COG5: variants seen among roughly 807,000 people sequenced by gnomAD.
COG5 encodes the protein component of oligomeric golgi complex 5.
A neutral mutation model predicts 110.4 loss-of-function variants in COG5; 86 were observed. The ratio of observed to expected loss-of-function variants is 0.78; its 90% CI spans 0.65 to 0.93. The LOEUF (loss-of-function observed/expected upper bound fraction) is 0.93. Ranked by LOEUF, COG5 falls within the 40% of genes least tolerant of loss-of-function variation. The pLI, the probability that COG5 is intolerant of heterozygous loss-of-function variation, is 0.00. For synonymous variants in COG5, 360 were observed against 334.6 expected, an observed-to-expected ratio of 1.08 and a Z score of -0.83; for missense variants, 1,077 against 987.0, an observed-to-expected ratio of 1.09 and a Z score of -1.22.
rs147860748 is a variant in COG5, at chr7:107,300,246, A to G, written c.1109-1900T>C. Among the ~76,000 whole-genome samples, 20 of 152,292 alleles carry G rather than the reference A, an allele frequency of 1.3e-4. No individual in the cohort carries two copies. The East Asian group carries it at 3.7e-3, about 28-fold the overall frequency. On this transcript the variant is annotated intron_variant, in intron 11 of 21. Coordinates refer to ENST00000297135, the MANE Select transcript of COG5 (RefSeq NM_006348.5). ...AATATAATACTTAAGAGAATAAGTA[A>G]TACTTTTGCTCAAAAATCAGCAACA...
chr7:107,536,152 T>C (rs956689800), intron 5 of COG5, among the ~76,000 whole-genome samples: 1 of 151,968 alleles, frequency 6.6e-6, no homozygotes, highest in Non-Finnish European at 1.5e-5. Flanking sequence ...GGAACATATC[T>C]CAAAATAATG....
intron 18 of COG5, among the ~76,000 whole-genome samples, chr7:107,233,382 T>C (rs1800920070): frequency 6.6e-6 from 1 of 152,172 alleles, no homozygotes; most frequent in African/African-American, 2.4e-5. Flanking sequence ...GGAAACCACC[T>C]CGTGCCCATG....
chr7:107,443,086 A>C (rs1430197295), intron 6 of COG5, among the ~76,000 whole-genome samples: 1 of 152,204 alleles, frequency 6.6e-6, no homozygotes, highest in Admixed American at 6.5e-5. Flanking sequence ...AGAAAAAGAG[A>C]AAATATTTGC....
chr7:107,255,121 G>GT (rs1296967045), intron 16 of COG5, among the ~76,000 whole-genome samples: 2 of 152,086 alleles, frequency 1.3e-5, no homozygotes, highest in Non-Finnish European at 2.9e-5. Flanking sequence ...TCAAAAAAAT[G>GT]TTTGATAGTT....
At chr7:107,545,997 A>G (rs911369860) in intron 5 of COG5, among the ~76,000 whole-genome samples, 7 of 152,274 alleles carry the variant, frequency 4.6e-5, no homozygotes, top group African/African-American at 1.7e-4. Flanking sequence ...AACAAACTTA[A>G]GAAGACTGAG....
intron 14 of COG5, among the ~76,000 whole-genome samples, chr7:107,270,438 T>C (rs1804159651): frequency 6.6e-6 from 1 of 152,102 alleles, no homozygotes; most frequent in African/African-American, 2.4e-5. Context: ...ATTTTGGTAT[T>C]TTCAGTAGAG....
chr7:107,342,569 T>C (rs577952880), intron 10 of COG5, among the ~76,000 whole-genome samples: 5 of 151,982 alleles, frequency 3.3e-5, no homozygotes, highest in Admixed American at 3.3e-4. Flanking sequence ...TCTCAGCTAC[T>C]TGGGAAGCTG....
rs4730247 is a variant in COG5 at position 107,455,787 on chromosome 7, C to A, written c.539-43155G>T. 4.7e-3 allele frequency among the ~76,000 whole-genome samples: 718 copies of A among 152,070 alleles called. 15 individuals are homozygous for A. Among genetic ancestry groups the A allele is most frequent in the Admixed American group, 0.036 (546 of 15,284 alleles). ...ATTTATGAAAGAAAACTGTCCAGAG[C>A]AGATCTGTTGTTTGTTTGTTTTTGA... On this transcript the variant is annotated intron_variant, in intron 6 of 21. Transcript: ENST00000297135.
At chr7:107,348,648 C>T (rs1250928395) in intron 10 of COG5, among the ~76,000 whole-genome samples, 1 of 151,996 alleles carries the variant, frequency 6.6e-6, no homozygotes, top group Non-Finnish European at 1.5e-5. Flanking sequence ...GCAGGAATAG[C>T]CCCCCAAAAA....
At chr7:107,515,292 T>C (rs58800910) in intron 6 of COG5, among the ~76,000 whole-genome samples, 1,989 of 152,188 alleles carry the variant, frequency 0.013, 48 homozygotes, top group African/African-American at 0.045. Flanking sequence ...AGATATATTA[T>C]TGATGAAAAC....
At chr7:107,249,707 T>TGTGTGC (rs1554401054) in intron 16 of COG5, among the ~76,000 whole-genome samples, 3 of 139,498 alleles carry the variant, frequency 2.2e-5, no homozygotes, top group Non-Finnish European at 4.5e-5. Flanking sequence ...TGTGTGTGTG[T>TGTGTGC]GTGTGTGTGT....
At chr7:107,509,884 G>C (rs1157824115) in intron 6 of COG5, among the ~76,000 whole-genome samples, 1 of 152,058 alleles carries the variant, frequency 6.6e-6, no homozygotes, top group Non-Finnish European at 1.5e-5. Flanking sequence ...TGCCCTAAAA[G>C]AGCTCCTGAA....
At chr7:107,243,959 T>C (rs1938676354) in intron 17 of COG5, among the ~76,000 whole-genome samples, 1 of 152,016 alleles carries the variant, frequency 6.6e-6, no homozygotes, top group South Asian at 2.1e-4. Flanking sequence ...GTCAAGAAGT[T>C]CTTTGGGCTG....
intron 10 of COG5, among the ~76,000 whole-genome samples, chr7:107,330,668 C>T (rs534107216): frequency 2.0e-5 from 3 of 152,094 alleles, no homozygotes; most frequent in African/African-American, 7.2e-5. Context: ...AGTCAAATAA[C>T]CTTGACTTAA....
chr7:107,417,075 G>A (rs1463685367), intron 6 of COG5, among the ~76,000 whole-genome samples: 1 of 152,154 alleles, frequency 6.6e-6, no homozygotes, highest in Non-Finnish European at 1.5e-5. Context: ...GGATATTTAT[G>A]TGAGAAAGTG....
chr7:107,314,599 A>T (rs1458835247), intron 11 of COG5, among the ~76,000 whole-genome samples: 1 of 150,814 alleles, frequency 6.6e-6, no homozygotes. Context: ...AAAAAAAAAA[A>T]AAAAGCCAGG....
At chr7:107,516,443 G>GA (rs1329532456) in intron 6 of COG5, among the ~76,000 whole-genome samples, 1 of 152,154 alleles carries the variant, frequency 6.6e-6, no homozygotes, top group East Asian at 1.9e-4. Context: ...AGTATCATTT[G>GA]AAGAGCTTCT....
intron 12 of COG5, among the ~76,000 whole-genome samples, chr7:107,291,228 GCT>G (rs781571366): frequency 6.6e-5 from 10 of 151,884 alleles, no homozygotes; most frequent in Non-Finnish European, 1.3e-4. Context: ...TTTATTTGAG[GCT>G]CTGTTTATTT....
At chr7:107,562,548 A>G (rs1241481930) in intron 1 of COG5, among the ~76,000 whole-genome samples, 1 of 152,190 alleles carries the variant, frequency 6.6e-6, no homozygotes, top group Non-Finnish European at 1.5e-5. Context: ...CCTCTACTAG[A>G]TGGTGAACTA....
Sources: gnomAD v4.1 joint callset for allele counts (sites outside exome capture counted in the v4.1 genomes callset) on GRCh38, gnomAD v4.1.1 for gene constraint, MANE v1.5 for transcripts, NCBI Gene and HGNC (gene_info 2026-07-23, HGNC 2026-07-21) for gene names.